CAMTA1: variants seen among roughly 807,000 people sequenced by gnomAD.
The protein encoded by CAMTA1 is calmodulin binding transcription activator 1.
CAMTA1 carries 27 observed loss-of-function variants against 170.9 expected under a neutral mutation model. The observed-to-expected ratio is 0.16, with a 90% CI of 0.12 to 0.22. CAMTA1 has a LOEUF of 0.22. Ranked by LOEUF, CAMTA1 falls within the 10% of genes least tolerant of loss-of-function variation. The pLI is 1.00. For synonymous variants in CAMTA1, 833 were observed against 891.5 expected (o/e 0.93, Z 1.17); for missense variants, 1,619 against 2,217.2 (o/e 0.73, Z 5.42).
At chr1:6,819,477 C>T (rs1465881779) in intron 1 of CAMTA1, among the ~76,000 whole-genome samples, 4 of 151,860 alleles carry the variant, frequency 2.6e-5, no homozygotes, top group East Asian at 1.9e-4. Context: ...TTGGGTGAGT[C>T]GGGTGTTGGG....
Position 7,367,298 on chromosome 1 carries a change from C to T in CAMTA1, c.439-100532C>T, listed in dbSNP as rs1031418388. On this transcript the variant is annotated intron_variant, in intron 5 of 22. Coordinates refer to ENST00000303635, the MANE Select transcript of CAMTA1 (RefSeq NM_015215.4). ...GTAAAGAACAGAGCCCCAGGTAAAA[C>T]GAAAGAGCTATAAGCTCCCCTGACA... Among the ~76,000 whole-genome samples the T allele has an allele frequency of 7.2e-5, 11 of 152,204 alleles. 1 individual carries two copies. The highest frequency in any genetic ancestry group is 4.6e-4 in the Admixed American group (7 of 15,286).
At chr1:7,233,822 C>T (rs1371830853) in intron 4 of CAMTA1, among the ~76,000 whole-genome samples, 1 of 152,132 alleles carries the variant, frequency 6.6e-6, no homozygotes. Flanking sequence ...TTCTTTTTGG[C>T]TGACTTTTAC....
intron 5 of CAMTA1, among the ~76,000 whole-genome samples, chr1:7,390,058 C>A (rs1237466460): frequency 6.6e-6 from 1 of 152,196 alleles, no homozygotes; most frequent in African/African-American, 2.4e-5. Context: ...TTACCTGCCG[C>A]TTCCCTGCCG....
At chr1:7,688,301 A>G (rs905785529) in intron 11 of CAMTA1, among the ~76,000 whole-genome samples, 1 of 152,126 alleles carries the variant, frequency 6.6e-6, no homozygotes, top group East Asian at 1.9e-4. Flanking sequence ...CACCATGCCC[A>G]GCCGGACTCC....
At chr1:7,661,318 G>A (rs2095955104) in intron 7 of CAMTA1, among the ~76,000 whole-genome samples, 1 of 152,170 alleles carries the variant, frequency 6.6e-6, no homozygotes, top group African/African-American at 2.4e-5. Flanking sequence ...CCTCTATCCT[G>A]AGTCTCCACA....
intron 3 of CAMTA1, among the ~76,000 whole-genome samples, chr1:6,892,420 A>T (rs1347594174): frequency 6.6e-6 from 1 of 152,186 alleles, no homozygotes; most frequent in Admixed American, 6.5e-5. Flanking sequence ...CCTTGACAGT[A>T]GAGACGTGTG....
chr1:7,100,851 G>A (rs947212956), intron 4 of CAMTA1, among the ~76,000 whole-genome samples: 4 of 152,126 alleles, frequency 2.6e-5, no homozygotes, highest in Admixed American at 2.6e-4. Flanking sequence ...GGATCTCGAT[G>A]GCTTTTATTT....
chr1:7,073,175 G>T (rs1374268969), intron 3 of CAMTA1, among the ~76,000 whole-genome samples: 1 of 152,204 alleles, frequency 6.6e-6, no homozygotes, highest in Non-Finnish European at 1.5e-5. Flanking sequence ...ACAAGGATCA[G>T]TCTCAGATGT....
At chr1:7,645,647 CCAG>C (rs1240511883) in intron 7 of CAMTA1, among the ~76,000 whole-genome samples, 3 of 152,376 alleles carry the variant, frequency 2.0e-5, no homozygotes, top group Admixed American at 2.0e-4. Flanking sequence ...GGCAGCTCCC[CCAG>C]CCGCCTCGGG....
At chr1:7,610,897 G>T (rs1051980827) in intron 6 of CAMTA1, among the ~76,000 whole-genome samples, 5 of 152,246 alleles carry the variant, frequency 3.3e-5, no homozygotes, top group Admixed American at 1.3e-4. Flanking sequence ...AGGGGCAAAG[G>T]CCAGGGCTTC....
At position 7,636,429 on chromosome 1, in the gene CAMTA1, C is replaced by T. The variant is rs114925311; in HGVS notation, c.511-3971C>T. Among the ~76,000 whole-genome samples, 347 of 152,268 alleles carry T rather than the reference C, an allele frequency of 2.3e-3. 1 individual carries two copies. Among genetic ancestry groups the T allele is most frequent in the African/African-American group, 8.0e-3 (331 of 41,570 alleles). Reference sequence around the variant, plus strand: ...TAGCAACAACCTGTGTTTAGAAAGGCTTCCCGGCCGGGTGCAGTGGCTCAC... The same window carrying T: ...TAGCAACAACCTGTGTTTAGAAAGGTTTCCCGGCCGGGTGCAGTGGCTCAC... On this transcript the variant is annotated intron_variant, in intron 6 of 22. Transcript: ENST00000303635.
rs866568547 is a variant in CAMTA1, at chr1:7,664,753, C to T, written c.2206C>T (p.Leu736Phe). 6.2e-7 allele frequency: 1 copy of T among 1,608,756 alleles called. No homozygotes were observed. The highest frequency in any genetic ancestry group is 1.3e-5 in the African/African-American group (1 of 74,874). ...CCGAAGCGCCGGCGGCGTCCCCATC[C>T]TCCCGGGCAACGTGGTGCAGGGACT... ...VIRSAGGVPILPGNVVQGLYP... is the reference protein window; with the variant it reads ...VIRSAGGVPIFPGNVVQGLYP... Residue 736 changes from leucine to phenylalanine, a missense_variant, in exon 9 of 23, where the codon CTC becomes TTC. This residue lies in a region of CAMTA1 where 731 missense variants were observed against 907.6 expected (regional missense o/e 0.81). Coordinates refer to ENST00000303635, the MANE Select transcript of CAMTA1 (RefSeq NM_015215.4).
intron 6 of CAMTA1, among the ~76,000 whole-genome samples, chr1:7,625,035 A>G (rs998863750): frequency 3.3e-5 from 5 of 152,100 alleles, no homozygotes; most frequent in African/African-American, 1.2e-4. Flanking sequence ...CTGAGCCAAG[A>G]GGGGTGAGAA....
chr1:6,904,270 G>T (rs1272113643), intron 3 of CAMTA1, among the ~76,000 whole-genome samples: 1 of 152,136 alleles, frequency 6.6e-6, no homozygotes. Flanking sequence ...TGGCTTCTCT[G>T]TAGCATTTGT....
At chr1:7,068,687 C>T (rs1709283903) in intron 3 of CAMTA1, among the ~76,000 whole-genome samples, 1 of 152,094 alleles carries the variant, frequency 6.6e-6, no homozygotes, top group Non-Finnish European at 1.5e-5. Context: ...GAACATCCGG[C>T]CAATTCAGCT....
chr1:7,425,264 A>G (rs980061801), intron 5 of CAMTA1, among the ~76,000 whole-genome samples: 5 of 152,170 alleles, frequency 3.3e-5, no homozygotes, highest in African/African-American at 1.2e-4. Flanking sequence ...AGCTCAGGGA[A>G]GACAGAGCGA....
intron 1 of CAMTA1, among the ~76,000 whole-genome samples, chr1:6,810,722 A>G (rs758857937): frequency 1.1e-4 from 16 of 152,192 alleles, no homozygotes; most frequent in African/African-American, 2.4e-4. Flanking sequence ...GGAGAATGGC[A>G]TGAACCCGGA....
rs61774181 is a variant in CAMTA1 at position 7,599,980 on chromosome 1, G to A, written c.511-40420G>A. On this transcript the variant is annotated intron_variant, in intron 6 of 22. Coordinates refer to ENST00000303635, the MANE Select transcript of CAMTA1 (RefSeq NM_015215.4). ...TGGCCAGAACTTCCAACGCTGTGTT[G>A]AATAGGAGTGGTGAGAGAGTGCATC... Among the ~76,000 whole-genome samples, 799 of 152,292 alleles carry A rather than the reference G, an allele frequency of 5.2e-3. 4 individuals are homozygous for A. Among genetic ancestry groups the A allele is most frequent in the Non-Finnish European group, 9.4e-3 (642 of 68,022 alleles).
At chr1:7,631,058 C>T (rs2095665774) in intron 6 of CAMTA1, among the ~76,000 whole-genome samples, 1 of 152,214 alleles carries the variant, frequency 6.6e-6, no homozygotes, top group Non-Finnish European at 1.5e-5. Flanking sequence ...TCCCTGAAGG[C>T]TGTTCCCCAC....
Sources: gnomAD v4.1 joint callset for allele counts (sites outside exome capture counted in the v4.1 genomes callset) on GRCh38, gnomAD v4.1.1 for gene constraint, gnomAD v4.1.1 regional missense constraint, MANE v1.5 for transcripts, NCBI Gene and HGNC (gene_info 2026-07-23, HGNC 2026-07-21) for gene names.